GAB2: variants seen among roughly 807,000 people sequenced by gnomAD.
GAB2 encodes the protein GRB2-associated-binding protein 2.
Under a neutral mutation model 65.5 loss-of-function variants are expected in GAB2, and 26 were observed. The ratio of observed to expected loss-of-function variants is 0.40; its 90% CI spans 0.29 to 0.55. The LOEUF is 0.55. Ranked by LOEUF, GAB2 falls within the 20% of genes least tolerant of loss-of-function variation. The pLI is 0.53. For missense variants in GAB2, 884 were observed against 875.8 expected (o/e 1.01, Z -0.12); for synonymous variants, 321 against 329.6 (o/e 0.97, Z 0.28).
chr11:78,251,945 C>G (rs956734054), intron 2 of GAB2, among the ~76,000 whole-genome samples: 1 of 152,186 alleles, frequency 6.6e-6, no homozygotes, highest in Non-Finnish European at 1.5e-5. Context: ...ACAACACATT[C>G]ATTCAGCACT....
At chr11:78,295,059 T>C (rs1190006212) in intron 1 of GAB2, among the ~76,000 whole-genome samples, 1 of 152,028 alleles carries the variant, frequency 6.6e-6, no homozygotes. Context: ...AACAACCCCA[T>C]CAAAAAGTTG....
intron 3 of GAB2, among the ~76,000 whole-genome samples, chr11:78,238,650 A>G (rs1376441978): frequency 3.9e-5 from 6 of 152,172 alleles, no homozygotes; most frequent in African/African-American, 1.4e-4. Flanking sequence ...TGGATCAAAG[A>G]CCTAAATGTA....
intron 1 of GAB2, among the ~76,000 whole-genome samples, chr11:78,283,913 G>C (rs1301985977): frequency 6.6e-6 from 1 of 151,166 alleles, no homozygotes; most frequent in Admixed American, 6.6e-5. Context: ...CCACTCTCTA[G>C]GTCATTTTAT....
chr11:78,288,471 C>T (rs765428508), intron 1 of GAB2, among the ~76,000 whole-genome samples: 6 of 150,560 alleles, frequency 4.0e-5, no homozygotes, highest in Admixed American at 1.3e-4. Flanking sequence ...ACTCTCAGGA[C>T]GAATAAGTGA....
rs929258856 is a variant in GAB2 at position 78,393,368 on chromosome 11, C to T, written c.75+24278G>A. On this transcript the variant is annotated intron_variant, in intron 1 of 9. Coordinates refer to ENST00000361507, the MANE Select transcript of GAB2 (RefSeq NM_080491.3). ...CACGAATAAAGTGTATCAAAAAGCA[C>T]CTTGCATTTGAACAAGTCATTTAAA... 1.3e-4 allele frequency among the ~76,000 whole-genome samples: 20 copies of T among 152,268 alleles called. 1 individual carries two copies. Among genetic ancestry groups the T allele is most frequent in the Middle Eastern group, 3.4e-3 (1 of 294 alleles).
chr11:78,414,698 G>A (rs776528209), intron 1 of GAB2, among the ~76,000 whole-genome samples: 30 of 152,148 alleles, frequency 2.0e-4, no homozygotes, highest in Admixed American at 1.4e-3. Context: ...GACACTTTTT[G>A]CAATTTCTCC....
At chr11:78,417,250 T>C (rs1380424778) in intron 1 of GAB2, among the ~76,000 whole-genome samples, 1 of 151,750 alleles carries the variant, frequency 6.6e-6, no homozygotes, top group Non-Finnish European at 1.5e-5. Flanking sequence ...ACGCCCCCCT[T>C]TCCCGCCCTC....
Position 78,218,805 on chromosome 11 carries a change from C to T in GAB2, c.*467G>A, listed in dbSNP as rs1192489638. 8 of 156,266 alleles carry T rather than the reference C, an allele frequency of 5.1e-5. No homozygotes were observed. The highest frequency in any genetic ancestry group is 5.7e-5 in the Non-Finnish European group (4 of 70,598). The allele number at this position is 156,266 out of a possible 1,614,324, so 9.7% of individuals were successfully genotyped here. Reference sequence around the variant, plus strand: ...AAAGTCCATTATCCACTTTGGTTTGCTGGTCCTTGACTCCCTGGGTTGGTG... The same window carrying T: ...AAAGTCCATTATCCACTTTGGTTTGTTGGTCCTTGACTCCCTGGGTTGGTG... On this transcript the variant is annotated 3_prime_UTR_variant, in exon 10 of 10. Transcript: ENST00000361507.
intron 2 of GAB2, among the ~76,000 whole-genome samples, chr11:78,263,877 C>A (rs2134550567): frequency 6.7e-6 from 1 of 149,118 alleles, no homozygotes; most frequent in East Asian, 2.0e-4. Flanking sequence ...GTCACCTGGG[C>A]AAGGATGTCA....
chr11:78,386,226 G>A (rs1182913206), intron 1 of GAB2, among the ~76,000 whole-genome samples: 3 of 152,208 alleles, frequency 2.0e-5, no homozygotes, highest in African/African-American at 7.2e-5. Context: ...ATAACAGAAA[G>A]AGGATTCAGT....
chr11:78,391,013 T>C (rs190210385), intron 1 of GAB2, among the ~76,000 whole-genome samples: 2 of 152,308 alleles, frequency 1.3e-5, no homozygotes, highest in Non-Finnish European at 2.9e-5. Context: ...CAAAGAGCCC[T>C]GATTAGGAAG....
In GAB2 at chr11:78,250,162, A is replaced by G; in HGVS notation, c.615T>C (p.Asn205=). ...LHQCISRRAE[N]ARSASFSQGT... is the part of the protein sequence containing the mutation. The stretch of plus-strand genomic sequence containing the variant: ...TGGCTGTGGCAGCCTCCTACCTTGC[A>G]TTTTCTGCTCTTCGGCTTATGCACT... Residue 205 remains asparagine, a synonymous_variant, in exon 3 of 10, where the codon AAT becomes AAC. Coordinates refer to ENST00000361507, the MANE Select transcript of GAB2 (RefSeq NM_080491.3). The G allele has an allele frequency of 6.2e-7, 1 of 1,612,528 alleles. No individual in the cohort carries two copies. The highest frequency in any genetic ancestry group is 8.5e-7 in the Non-Finnish European group (1 of 1,179,874).
intron 1 of GAB2, among the ~76,000 whole-genome samples, chr11:78,395,445 C>T (rs533528566): frequency 6.6e-6 from 1 of 152,328 alleles, no homozygotes; most frequent in African/African-American, 2.4e-5. Flanking sequence ...CAGCAAGTCT[C>T]CATCTCAAAA....
intron 1 of GAB2, among the ~76,000 whole-genome samples, chr11:78,380,248 G>T (rs557417273): frequency 6.7e-6 from 1 of 149,844 alleles, no homozygotes; most frequent in African/African-American, 2.5e-5. Flanking sequence ...TCGCTCTGTC[G>T]CCAGGCTGAA....
At chr11:78,409,487 G>A (rs1169634427) in intron 1 of GAB2, among the ~76,000 whole-genome samples, 1 of 152,186 alleles carries the variant, frequency 6.6e-6, no homozygotes, top group Non-Finnish European at 1.5e-5. Context: ...GGGAGGCTGA[G>A]GCAGGAGAAT....
At chr11:78,247,848 A>G (rs1865339802) in intron 3 of GAB2, among the ~76,000 whole-genome samples, 1 of 152,220 alleles carries the variant, frequency 6.6e-6, no homozygotes, top group Admixed American at 6.5e-5. Context: ...GGAATTCTGC[A>G]AACATTATTT....
At chr11:78,319,850 G>T (rs1855687718) in intron 1 of GAB2, among the ~76,000 whole-genome samples, 1 of 151,518 alleles carries the variant, frequency 6.6e-6, no homozygotes, top group Non-Finnish European at 1.5e-5. Flanking sequence ...TGAGTATCTG[G>T]CAGAGATATA....
At chr11:78,413,305 G>A (rs1857152881) in intron 1 of GAB2, among the ~76,000 whole-genome samples, 1 of 152,164 alleles carries the variant, frequency 6.6e-6, no homozygotes, top group Non-Finnish European at 1.5e-5. Flanking sequence ...CTATAAAGGA[G>A]CTTCAACCTT....
chr11:78,323,163 T>C (rs1045339633), intron 1 of GAB2, among the ~76,000 whole-genome samples: 2 of 152,172 alleles, frequency 1.3e-5, no homozygotes, highest in South Asian at 4.1e-4. Context: ...TCACATACTT[T>C]GCAGCAGCAT....
Sources: allele counts gnomAD v4.1 joint callset (sites outside exome capture counted in the v4.1 genomes callset), GRCh38; gene constraint gnomAD v4.1.1; transcripts MANE v1.5; gene names NCBI Gene and HGNC (gene_info 2026-07-23, HGNC 2026-07-21).